Variants in REEP5 observed in about 807,000 individuals in gnomAD.
The protein encoded by REEP5 is receptor expression-enhancing protein 5.
REEP5 carries 24 observed loss-of-function variants against 22.4 expected under a neutral mutation model. The ratio of observed to expected loss-of-function variants is 1.07; its 90% confidence interval spans 0.78 to 1.51. The LOEUF (loss-of-function observed/expected upper bound fraction) is 1.51, where lower values mean the gene tolerates loss of function less well. Among genes scored for constraint, REEP5 ranks in the 40% most tolerant of loss-of-function variants. The pLI is 0.00. For missense variants in REEP5, 252 were observed against 233.0 expected (o/e 1.08, Z -0.53); for synonymous variants, 103 against 88.6 (o/e 1.16, Z -0.92).
At chr5:112,913,908 A>ATG (rs1331149189) in intron 2 of REEP5, among the ~76,000 whole-genome samples, 2 of 138,612 alleles carry the variant, frequency 1.4e-5, no homozygotes, top group African/African-American at 5.4e-5. Context: ...TCAAAACTGA[A>ATG]TGTGTGTGTG....
chr5:112,921,514 C>A (rs1454859333), intron 1 of REEP5: 2 of 532,852 alleles, frequency 3.8e-6, no homozygotes, highest in African/African-American at 1.9e-5. Context: ...TGCGCAGCAA[C>A]CCCCGGCGCC....
intron 2 of REEP5, among the ~76,000 whole-genome samples, chr5:112,905,540 CA>C (rs1425420457): frequency 8.4e-5 from 9 of 107,236 alleles, no homozygotes; most frequent in Non-Finnish European, 7.8e-5. Flanking sequence ...GACTCGGTCT[CA>C]AAAAAAAAAC....
Position 112,877,204 on chromosome 5 carries a change from A to G in REEP5, c.*1582T>C, listed in dbSNP as rs1767923712. 1 of 152,218 alleles carries G rather than the reference A, an allele frequency of 6.6e-6. No homozygotes were observed. The highest frequency in any genetic ancestry group is 2.1e-4 in the South Asian group (1 of 4,832). The allele number at this position is 152,218 out of a possible 1,614,324, so 9.4% of individuals were successfully genotyped here. ...CTCTGATCCATATTATATTAGAGTGATACTGTCACTTAGTATTGATATCTT... is the reference window on the plus strand; with the variant it reads ...CTCTGATCCATATTATATTAGAGTGGTACTGTCACTTAGTATTGATATCTT... On this transcript the variant is annotated 3_prime_UTR_variant, in exon 5 of 5. Coordinates refer to ENST00000379638, the MANE Select transcript of REEP5 (RefSeq NM_005669.5).
At chr5:112,921,872 G>A in intron 1 of REEP5, 1 of 520,068 alleles carries the variant, frequency 1.9e-6, no homozygotes, top group Non-Finnish European at 3.2e-6. Flanking sequence ...CCAGCCCCGC[G>A]ACCCTCAGCC....
At chr5:112,921,820 C>A (rs1026244630) in intron 1 of REEP5, 6 of 387,106 alleles carry the variant, frequency 1.5e-5, no homozygotes, top group Non-Finnish European at 2.3e-5. Flanking sequence ...TACGTCAGCG[C>A]TGGCCCTTCC....
chr5:112,920,608 T>C (rs544045024), intron 2 of REEP5, among the ~76,000 whole-genome samples: 1 of 152,360 alleles, frequency 6.6e-6, no homozygotes, highest in Non-Finnish European at 1.5e-5. Flanking sequence ...CAAGGAGCTA[T>C]ATCATGGAGC....
chr5:112,920,640 T>C (rs1257160244), intron 2 of REEP5, among the ~76,000 whole-genome samples: 1 of 152,228 alleles, frequency 6.6e-6, no homozygotes, highest in Non-Finnish European at 1.5e-5. Flanking sequence ...TTTTTGTTTT[T>C]ACACTAGGGT....
At chr5:112,892,259 T>C (rs1768491000) in intron 3 of REEP5, 1 of 1,613,982 alleles carries the variant, frequency 6.2e-7, no homozygotes. Context: ...ACCCTTCTTA[T>C]TAAGAGCATG....
At chr5:112,902,561 T>A (rs771201489) in intron 2 of REEP5, 43 bp from the exon 3 acceptor site, 3 of 1,514,880 alleles carry the variant, frequency 2.0e-6, no homozygotes, top group African/African-American at 2.8e-5. Context: ...TGGTAAGATA[T>A]CAATGAAAGA....
intron 2 of REEP5, among the ~76,000 whole-genome samples, chr5:112,918,987 G>A (rs1247030687): frequency 1.3e-5 from 2 of 152,232 alleles, no homozygotes; most frequent in Non-Finnish European, 2.9e-5. Context: ...AGGACAGAGA[G>A]TATGACTACC....
At chr5:112,892,209 C>A (rs780495653) in intron 3 of REEP5, 4 of 1,614,126 alleles carry the variant, frequency 2.5e-6, no homozygotes, top group African/African-American at 1.3e-5. Flanking sequence ...GATTTGGAGA[C>A]AGATGTTCAC....
Position 112,922,057 on chromosome 5 carries a change from A to G in REEP5, c.118+16T>C, listed in dbSNP as rs964992858. On this transcript the variant is annotated intron_variant, in intron 1 of 4. Transcript: ENST00000379638. ...TCCCGTGGCCCTACCAGCGGCGGCG[A>G]CCCCCGGCCACCCACCAAGAGCGAT... 23 of 1,579,728 alleles carry G rather than the reference A, an allele frequency of 1.5e-5. No homozygotes were observed. Among genetic ancestry groups the G allele is most frequent in the Non-Finnish European group, 2.0e-5 (23 of 1,163,876 alleles).
At position 112,878,509 on chromosome 5, in the gene REEP5, A is replaced by G. The variant is rs2150032286; in HGVS notation, c.*277T>C. 4.7e-6 allele frequency: 2 copies of G among 423,622 alleles called. No homozygotes were observed. The highest frequency in any genetic ancestry group is 8.3e-6 in the Non-Finnish European group (2 of 240,156). The allele number at this position is 423,622 out of a possible 1,614,324, so 26.2% of individuals were successfully genotyped here. A position where few individuals can be genotyped will look rare whatever the true frequency, so the allele number is the denominator to read the frequency against. On this transcript the variant is annotated 3_prime_UTR_variant, in exon 5 of 5. Transcript: ENST00000379638. ...GTATATAATTTTATTTTAAGTTTAT[A>G]TTTCCTGCAGGATAGCAACATACAT...
intron 2 of REEP5, among the ~76,000 whole-genome samples, chr5:112,915,851 G>C (rs1303171741): frequency 7.4e-6 from 1 of 135,916 alleles, no homozygotes; most frequent in Non-Finnish European, 1.5e-5. Context: ...GTTCTCATGA[G>C]TAAAAAAGAA....
intron 2 of REEP5, among the ~76,000 whole-genome samples, chr5:112,910,129 C>A (rs1416839844): frequency 6.6e-6 from 1 of 152,098 alleles, no homozygotes; most frequent in African/African-American, 2.4e-5. Context: ...ATGGTGATAC[C>A]CCGTCTCTAC....
chr5:112,895,327 G>C (rs1768650041), intron 3 of REEP5: 1 of 150,948 alleles, frequency 6.6e-6, no homozygotes, highest in Non-Finnish European at 1.5e-5. Context: ...CTCTTCTGCA[G>C]AGTTTTAGGA....
At chr5:112,904,173 G>A (rs1255137356) in intron 2 of REEP5, among the ~76,000 whole-genome samples, 1 of 152,134 alleles carries the variant, frequency 6.6e-6, no homozygotes, top group African/African-American at 2.4e-5. Flanking sequence ...TAAGAGAGCT[G>A]ATTATTAAAA....
chr5:112,893,045 G>T, intron 3 of REEP5: 1 of 1,379,712 alleles, frequency 7.2e-7, no homozygotes, highest in Non-Finnish European at 1.0e-6. Flanking sequence ...TCGGGTAATA[G>T]AGACAGAACT....
chr5:112,918,150 C>G (rs532045184), intron 2 of REEP5, among the ~76,000 whole-genome samples: 1 of 152,140 alleles, frequency 6.6e-6, no homozygotes, highest in East Asian at 1.9e-4. Context: ...TCCGAATTGC[C>G]TATATAAGAT....
Sources: gnomAD v4.1 joint callset for allele counts (sites outside exome capture counted in the v4.1 genomes callset) on GRCh38, gnomAD v4.1.1 for gene constraint, MANE v1.5 for transcripts, NCBI Gene and HGNC (gene_info 2026-07-23, HGNC 2026-07-21) for gene names.